STAT4: variants seen among roughly 807,000 people sequenced by gnomAD.
STAT4 encodes signal transducer and activator of transcription 4.
A neutral mutation model predicts 110.5 loss-of-function variants in STAT4; 42 were observed. The ratio of observed to expected loss-of-function variants is 0.38; its 90% confidence interval spans 0.30 to 0.49. The LOEUF (loss-of-function observed/expected upper bound fraction) is 0.49. STAT4 is among the 20% of genes least tolerant of loss of function. STAT4 has a pLI of 0.95. For missense variants in STAT4, 632 were observed against 887.9 expected, an observed-to-expected ratio of 0.71 and a Z score of 3.66; for synonymous variants, 284 against 302.2, an observed-to-expected ratio of 0.94 and a Z score of 0.63.
chr2:191,049,393 G>A (rs1019218680), intron 14 of STAT4, among the ~76,000 whole-genome samples: 8 of 151,924 alleles, frequency 5.3e-5, no homozygotes, highest in African/African-American at 1.7e-4. Context: ...AGCCAGGATG[G>A]TCTCACTCTC....
intron 3 of STAT4, among the ~76,000 whole-genome samples, chr2:191,080,818 T>C (rs535157650): frequency 6.6e-6 from 1 of 152,296 alleles, no homozygotes; most frequent in East Asian, 1.9e-4. Context: ...ACTATCGTGT[T>C]TCACTCTTAA....
chr2:191,034,500 T>C (rs1574693939), intron 18 of STAT4, 48 bp downstream of exon 18: 4 of 1,407,716 alleles, frequency 2.8e-6, no homozygotes, highest in African/African-American at 2.8e-5. Context: ...GAAAGGAACA[T>C]TGTATTAAAA....
At chr2:191,075,837 C>CTTTTTTTTTTTTTT (rs71407854) in intron 4 of STAT4, among the ~76,000 whole-genome samples, 89 of 121,460 alleles carry the variant, frequency 7.3e-4, no homozygotes, top group African/African-American at 1.5e-3. Context: ...TTCTTTCTTT[C>CTTTTTTTTTTTTTT]TTTTTTTTTT....
chr2:191,059,967 G>A lies in STAT4; in HGVS notation c.1035-1198C>T, dbSNP rs1160654568. On this transcript the variant is annotated intron_variant, in intron 10 of 23. Transcript: ENST00000392320. The surrounding 1 kb of genome is among the most constrained non-coding windows in gnomAD (Gnocchi z 4.7). ...GCTGACAAGTGCCATGGAGTCCAAGGTCATTCTTCCTTTTGAAACAGGAGG... is the reference window on the plus strand; with the variant it reads ...GCTGACAAGTGCCATGGAGTCCAAGATCATTCTTCCTTTTGAAACAGGAGG... Among the ~76,000 whole-genome samples the A allele has an allele frequency of 6.6e-6, 1 of 152,156 alleles. No individual in the cohort carries two copies. Among genetic ancestry groups the A allele is most frequent in the African/African-American group, 2.4e-5 (1 of 41,440 alleles).
At chr2:191,106,368 A>C (rs1698280513) in intron 3 of STAT4, among the ~76,000 whole-genome samples, 1 of 152,114 alleles carries the variant, frequency 6.6e-6, no homozygotes, top group Non-Finnish European at 1.5e-5. Flanking sequence ...CTTAGAAAAA[A>C]AAAAAATTAG....
In STAT4 at chr2:191,116,797, A is replaced by AT. The variant is rs11377634; in HGVS notation, c.273+29815_273+29816insA. Among the ~76,000 whole-genome samples, 152,293 of 152,348 alleles carry AT rather than the reference A, an allele frequency of 1. 76,119 individuals carry two copies. Among genetic ancestry groups the AT allele is most frequent in the Middle Eastern group, 1 (294 of 294 alleles). On this transcript the variant is annotated intron_variant, in intron 3 of 23. Transcript: ENST00000392320. This position sits in a 1 kb window ranked among gnomAD's most constrained non-coding sequence, Gnocchi z 4.1. ...TCCTGGCAGAGAAACTCCCCAACATAACTTGTTGAATGAATAAATGACTGA... is the reference window on the plus strand; with the variant it reads ...TCCTGGCAGAGAAACTCCCCAACATATACTTGTTGAATGAATAAATGACTGA...
chr2:191,130,150 T>C (rs181474863), intron 3 of STAT4, among the ~76,000 whole-genome samples: 2 of 152,222 alleles, frequency 1.3e-5, no homozygotes, highest in Admixed American at 1.3e-4. Flanking sequence ...AGATAGTGTA[T>C]TGAAGTTCTG....
At chr2:191,049,363 A>G (rs1696454146) in intron 14 of STAT4, among the ~76,000 whole-genome samples, 1 of 151,848 alleles carries the variant, frequency 6.6e-6, no homozygotes, top group African/African-American at 2.4e-5. Flanking sequence ...TTTTTAGTAG[A>G]GACGGGGTTT....
In STAT4 at chr2:191,144,638, T is replaced by C. The variant is rs528162522; in HGVS notation, c.273+1975A>G. On this transcript the variant is annotated intron_variant, in intron 3 of 23. Coordinates refer to ENST00000392320, the MANE Select transcript of STAT4 (RefSeq NM_003151.4). This position sits in a 1 kb window ranked among gnomAD's most constrained non-coding sequence, Gnocchi z 4.7. ...CAGTGGCGTAGTGAAATAGAAGTGA[T>C]GGTTTAACAAGGTTCGTCTGATACA... Among the ~76,000 whole-genome samples, 59 of 149,378 alleles carry C rather than the reference T, an allele frequency of 3.9e-4. No individual in the cohort carries two copies. Among genetic ancestry groups the C allele is most frequent in the Admixed American group, 2.6e-3 (40 of 15,118 alleles).
rs1481501125 is a variant in STAT4 at position 191,091,584 on chromosome 2, T to C, written c.274-15259A>G. On this transcript the variant is annotated intron_variant, in intron 3 of 23. Transcript: ENST00000392320. This position sits in a 1 kb window ranked among gnomAD's most constrained non-coding sequence, Gnocchi z 5.4. ...AGGTTGAAGGAAAGAGTCAATGAAG[T>C]GATCTTAAAGTTCATATGTGACAGA... Among the ~76,000 whole-genome samples, 1 of 152,212 alleles carries C rather than the reference T, an allele frequency of 6.6e-6. No individual in the cohort carries two copies. Among genetic ancestry groups the C allele is most frequent in the African/African-American group, 2.4e-5 (1 of 41,466 alleles).
chr2:191,107,000 G>C lies in STAT4; in HGVS notation c.274-30675C>G, dbSNP rs1272550144. Among the ~76,000 whole-genome samples, 3 of 152,094 alleles carry C rather than the reference G, an allele frequency of 2.0e-5. No homozygotes were observed. In the East Asian group the frequency reaches 5.8e-4, roughly 29 times the overall value. ...ATATTGTATGTTTGGTGATACATTT[G>C]GATTGTCAGTCAAGTGATATTTGGA... On this transcript the variant is annotated intron_variant, in intron 3 of 23. Coordinates refer to ENST00000392320, the MANE Select transcript of STAT4 (RefSeq NM_003151.4).
rs953392356 is a variant in STAT4, at chr2:191,032,757, T to C, written c.2044+201A>G. 6.6e-5 allele frequency: 37 copies of C among 560,528 alleles called. No individual in the cohort carries two copies. The African/African-American group carries it at 6.7e-4, about 10-fold the overall frequency. The allele number at this position is 560,528 out of a possible 1,614,324, so 34.7% of individuals were successfully genotyped here. ...TTAGTTACAGCTGCTTATTACTCGC[T>C]AGTGTTAGAAAGCCCAGCGGTCCCT... On this transcript the variant is annotated intron_variant, in intron 21 of 23. Transcript: ENST00000392320. This position sits in a 1 kb window ranked among gnomAD's most constrained non-coding sequence, Gnocchi z 4.9.
rs1431299465 is a variant in STAT4 at position 191,138,410 on chromosome 2, A to T, written c.273+8203T>A. 2.6e-5 allele frequency among the ~76,000 whole-genome samples: 4 copies of T among 152,312 alleles called. No individual in the cohort carries two copies. In the South Asian group the frequency reaches 6.2e-4, roughly 24 times the overall value. The stretch of plus-strand genomic sequence containing the variant: ...AGATCCAAATAAGATTTCATTTCGC[A>T]TCGAGAAATGAAACTACAGCCAATA... On this transcript the variant is annotated intron_variant, in intron 3 of 23. Coordinates refer to ENST00000392320, the MANE Select transcript of STAT4 (RefSeq NM_003151.4). This position sits in a 1 kb window ranked among gnomAD's most constrained non-coding sequence, Gnocchi z 4.3.
At chr2:191,129,744 A>C (rs901093731) in intron 3 of STAT4, among the ~76,000 whole-genome samples, 7 of 152,220 alleles carry the variant, frequency 4.6e-5, no homozygotes, top group African/African-American at 1.7e-4. Context: ...GCTTCCCACC[A>C]CACAATAAGT....
In STAT4 at chr2:191,064,833, G is replaced by A; in HGVS notation, c.756C>T (p.His252=). The change falls in exon 8 of 24, where the codon CAC becomes CAT. Residue 252 remains histidine (H), a synonymous_variant. Coordinates refer to ENST00000392320, the MANE Select transcript of STAT4 (RefSeq NM_003151.4). ...QQIACIGGPL[H]NGLDQLQNCF... is the part of the protein sequence containing the mutation. ...AGTTCTGAAGCTGGTCGAGCCCATTGTGGAGTGGACCCCCGATGCAGGCGA... is the reference window on the plus strand; with the variant it reads ...AGTTCTGAAGCTGGTCGAGCCCATTATGGAGTGGACCCCCGATGCAGGCGA... 1 of 1,613,144 alleles carries A rather than the reference G, an allele frequency of 6.2e-7. No homozygotes were observed. The highest frequency in any genetic ancestry group is 8.5e-7 in the Non-Finnish European group (1 of 1,179,572).
intron 3 of STAT4, among the ~76,000 whole-genome samples, chr2:191,081,697 T>C (rs1000126035): frequency 1.3e-5 from 2 of 152,180 alleles, no homozygotes; most frequent in Non-Finnish European, 2.9e-5. Context: ...TTCTTAGACA[T>C]TGTTTTACAG....
rs751152222 is a variant in STAT4, at chr2:191,062,741, C to T, written c.941+21G>A. 1 of 1,612,534 alleles carries T rather than the reference C, an allele frequency of 6.2e-7. No individual in the cohort carries two copies. Among genetic ancestry groups the T allele is most frequent in the Non-Finnish European group, 8.5e-7 (1 of 1,179,244 alleles). On this transcript the variant is annotated intron_variant, in intron 9 of 23. Transcript: ENST00000392320. This position sits in a 1 kb window ranked among gnomAD's most constrained non-coding sequence, Gnocchi z 4.9. ...TCTTACTTCACAGAATGGAGGATGC[C>T]ATTGATAGCACTTCACTTACTTCTT...
chr2:191,080,188 A>G (rs558742173), intron 3 of STAT4, among the ~76,000 whole-genome samples: 2 of 152,244 alleles, frequency 1.3e-5, no homozygotes, highest in Admixed American at 1.3e-4. Flanking sequence ...AAAGTATACC[A>G]CAATGCTTTT....
In STAT4 at chr2:191,031,625, T is replaced by G. The variant is rs1028281976; in HGVS notation, c.2045-109A>C. On this transcript the variant is annotated intron_variant, in intron 21 of 23. Coordinates refer to ENST00000392320, the MANE Select transcript of STAT4 (RefSeq NM_003151.4). The surrounding 1 kb of genome is among the most constrained non-coding windows in gnomAD (Gnocchi z 4.8). ...TTAACAATGATAAGAGGAAGAGAGA[T>G]AACGCAGTTGTTCGGTGATACACAG... is the stretch of plus-strand genomic sequence containing the variant. The G allele has an allele frequency of 1.7e-5, 15 of 865,076 alleles. No homozygotes were observed. The highest frequency in any genetic ancestry group is 2.5e-5 in the Admixed American group (1 of 40,182). The allele number at this position is 865,076 out of a possible 1,614,324, so 53.6% of individuals were successfully genotyped here.
Sources: gnomAD v4.1 joint callset for allele counts (sites outside exome capture counted in the v4.1 genomes callset) on GRCh38, gnomAD v4.1.1 for gene constraint, Gnocchi (gnomAD v3.1) non-coding constraint, MANE v1.5 for transcripts, NCBI Gene and HGNC (gene_info 2026-07-23, HGNC 2026-07-21) for gene names.